Variants in RASGRP3 observed in about 807,000 individuals in gnomAD.
The protein encoded by RASGRP3 is ras guanyl-releasing protein 3.
In RASGRP3, 54 loss-of-function variants were observed where a neutral mutation model predicts 82.7. That is an observed-to-expected ratio of 0.65 (90% CI 0.52 to 0.82). RASGRP3 has a LOEUF of 0.82. RASGRP3 is among the 40% of genes least tolerant of loss of function. The pLI is 0.00. For synonymous variants in RASGRP3, 309 were observed against 300.5 expected, an observed-to-expected ratio of 1.03 and a Z score of -0.29; for missense variants, 861 against 828.9, an observed-to-expected ratio of 1.04 and a Z score of -0.48.
At chr2:33,456,801 T>C (rs1402374345) in intron 2 of RASGRP3, among the ~76,000 whole-genome samples, 2 of 152,250 alleles carry the variant, frequency 1.3e-5, no homozygotes, top group African/African-American at 4.8e-5. Flanking sequence ...GCTAGTTTTT[T>C]GTAAACTTGT....
chr2:33,513,530 G>A lies in RASGRP3; in HGVS notation c.-127-1480G>A, dbSNP rs373582932. On this transcript the variant is annotated intron_variant, in intron 2 of 17. Coordinates refer to ENST00000403687, the MANE Select transcript of RASGRP3 (RefSeq NM_001139488.2). The stretch of plus-strand genomic sequence containing the variant: ...CCAGTTGAATAAATAAAGTTCAAGA[G>A]TAAAATAGACATTGACTTTAAACAG... Among the ~76,000 whole-genome samples, 6 of 152,156 alleles carry A rather than the reference G, an allele frequency of 3.9e-5. No homozygotes were observed. The East Asian group carries it at 5.8e-4, about 15-fold the overall frequency.
chr2:33,478,715 C>T, intron 1 of RASGRP3, among the ~76,000 whole-genome samples: 1 of 152,348 alleles, frequency 6.6e-6, no homozygotes, highest in African/African-American at 2.4e-5. Flanking sequence ...TGCGATTTAA[C>T]TCTTTCGTAT....
chr2:33,484,468 G>C (rs1459446686), intron 1 of RASGRP3, among the ~76,000 whole-genome samples: 1 of 152,110 alleles, frequency 6.6e-6, no homozygotes, highest in African/African-American at 2.4e-5. Flanking sequence ...AAAGTAGAAA[G>C]TATTCCACTT....
intron 1 of RASGRP3, among the ~76,000 whole-genome samples, chr2:33,489,946 T>A (rs889628324): frequency 6.6e-6 from 1 of 152,200 alleles, no homozygotes; most frequent in Admixed American, 6.5e-5. Context: ...TTTTTCATCT[T>A]CAAAAACTCA....
At position 33,563,078 on chromosome 2, in the gene RASGRP3, A is replaced by AACTC. The variant is rs537183634; in HGVS notation, c.*343_*346dup. 4.5e-4 allele frequency: 136 copies of AACTC among 300,332 alleles called. 1 individual carries two copies. The highest frequency in any genetic ancestry group is 2.7e-3 in the African/African-American group (127 of 46,452). The allele number at this position is 300,332 out of a possible 1,614,324, so 18.6% of individuals were successfully genotyped here. A position where few individuals can be genotyped will look rare whatever the true frequency, so the allele number is the denominator to read the frequency against. ...GCATGTACTTGATACTCAGTCTGTAAACTCAGACTTCGCTTTTTTTGTGAG... is the reference window on the plus strand; with the variant it reads ...GCATGTACTTGATACTCAGTCTGTAAACTCACTCAGACTTCGCTTTTTTTGTGAG... On this transcript the variant is annotated 3_prime_UTR_variant, in exon 18 of 18. Coordinates refer to ENST00000403687, the MANE Select transcript of RASGRP3 (RefSeq NM_001139488.2).
At chr2:33,555,707 C>A (rs2151107542) in intron 15 of RASGRP3, 140 bp downstream of exon 15, 1 of 719,950 alleles carries the variant, frequency 1.4e-6, no homozygotes, top group Non-Finnish European at 2.3e-6. Context: ...AGAATGATTG[C>A]CTCTGAGGAG....
chr2:33,482,919 A>G (rs1574302955), intron 1 of RASGRP3: 1 of 152,230 alleles, frequency 6.6e-6, no homozygotes, highest in Non-Finnish European at 1.5e-5. Flanking sequence ...TTTGAATTAA[A>G]AAATATTCTG....
At chr2:33,486,192 T>C (rs894146616) in intron 1 of RASGRP3, among the ~76,000 whole-genome samples, 7 of 148,096 alleles carry the variant, frequency 4.7e-5, no homozygotes, top group Admixed American at 4.1e-4. Context: ...AGAGAGAGAG[T>C]CTCACTCTGT....
intron 17 of RASGRP3, among the ~76,000 whole-genome samples, chr2:33,562,195 A>C (rs1221987473): frequency 6.6e-6 from 1 of 152,086 alleles, no homozygotes; most frequent in Non-Finnish European, 1.5e-5. Context: ...CTTTAAGGTC[A>C]ACATCCTAGT....
Position 33,539,121 on chromosome 2 carries a change from A to G in RASGRP3, c.1189A>G (p.Lys397Glu). Residue 397 changes from lysine (K) to glutamate (E), a missense_variant, in exon 12 of 18, where the codon AAG (lysine) becomes GAG (glutamate). Lys to Glu is a moderately conservative substitution (Grantham distance 56). Transcript: ENST00000403687. ...SQPTSPTTPN[K>E]PVVPLEWALG... ...GCCTACCTCCCCTACGACGCCCAACAAGCCTGTGGTACCCCTGGAGTGGGC... is the reference window on the plus strand; with the variant it reads ...GCCTACCTCCCCTACGACGCCCAACGAGCCTGTGGTACCCCTGGAGTGGGC... 1 of 1,610,998 alleles carries G rather than the reference A, an allele frequency of 6.2e-7. No homozygotes were observed. Among genetic ancestry groups the G allele is most frequent in the Non-Finnish European group, 8.5e-7 (1 of 1,178,666 alleles).
intron 1 of RASGRP3, among the ~76,000 whole-genome samples, chr2:33,477,706 A>G (rs1473611443): frequency 6.6e-6 from 1 of 152,202 alleles, no homozygotes; most frequent in African/African-American, 2.4e-5. Context: ...AGAATGCTTC[A>G]GAGGAAAGGC....
chr2:33,454,448 A>G (rs1219733923), intron 2 of RASGRP3, among the ~76,000 whole-genome samples: 1 of 152,210 alleles, frequency 6.6e-6, no homozygotes, highest in Non-Finnish European at 1.5e-5. Flanking sequence ...TAGGCATGGC[A>G]GTATTTGGGC....
At chr2:33,480,123 A>G (rs1321427657) in intron 1 of RASGRP3, among the ~76,000 whole-genome samples, 14 of 146,996 alleles carry the variant, frequency 9.5e-5, no homozygotes, top group African/African-American at 3.3e-4. Flanking sequence ...GCTCACTGCA[A>G]GCTCCGCCTC....
intron 7 of RASGRP3, among the ~76,000 whole-genome samples, chr2:33,523,212 C>T (rs1376378562): frequency 1.3e-5 from 2 of 152,006 alleles, no homozygotes; most frequent in Non-Finnish European, 2.9e-5. Flanking sequence ...GCCTTTAATC[C>T]CAGCACTTTG....
intron 1 of RASGRP3, among the ~76,000 whole-genome samples, chr2:33,494,919 G>A (rs2150966335): frequency 6.6e-6 from 1 of 152,334 alleles, no homozygotes; most frequent in South Asian, 2.1e-4. Context: ...GACTAACCAA[G>A]CTTGACAAAT....
intron 13 of RASGRP3, among the ~76,000 whole-genome samples, chr2:33,548,360 CAAAAAAAAAAAA>C (rs775598057): frequency 1.3e-5 from 1 of 78,744 alleles, no homozygotes; most frequent in Admixed American, 1.6e-4. Flanking sequence ...GACTCCGTCT[CAAAAAAAAAAAA>C]AAAAAAAAAA....
intron 1 of RASGRP3, among the ~76,000 whole-genome samples, chr2:33,477,585 G>T (rs1667491393): frequency 1.3e-5 from 2 of 152,360 alleles, no homozygotes; most frequent in South Asian, 4.1e-4. Context: ...CTCCTTCTCA[G>T]GTTCATTCAG....
chr2:33,495,101 A>G (rs1163506863), intron 1 of RASGRP3, among the ~76,000 whole-genome samples: 1 of 152,236 alleles, frequency 6.6e-6, no homozygotes, highest in Non-Finnish European at 1.5e-5. Flanking sequence ...AAAGATCTGC[A>G]CTTTGAAAGA....
chr2:33,506,640 A>C (rs1470811495), intron 1 of RASGRP3, among the ~76,000 whole-genome samples: 1 of 152,256 alleles, frequency 6.6e-6, no homozygotes, highest in Non-Finnish European at 1.5e-5. Flanking sequence ...ACAGACAACA[A>C]AAATTTTTAA....
Sources: gnomAD v4.1 joint callset for allele counts (sites outside exome capture counted in the v4.1 genomes callset) on GRCh38, gnomAD v4.1.1 for gene constraint, MANE v1.5 for transcripts, NCBI Gene and HGNC (gene_info 2026-07-23, HGNC 2026-07-21) for gene names.